Variants in GRID2 observed in about 807,000 individuals in gnomAD.
The protein encoded by GRID2 is glutamate receptor ionotropic, delta-2.
GRID2 carries 33 observed loss-of-function variants against 114.8 expected under a neutral mutation model. That is an observed-to-expected ratio of 0.29 (90% CI 0.22 to 0.38). GRID2 has a LOEUF of 0.38. Ranked by LOEUF, GRID2 falls within the 10% of genes least tolerant of loss-of-function variation. The pLI is 1.00. For synonymous variants in GRID2, 505 were observed against 449.9 expected, an observed-to-expected ratio of 1.12 and a Z score of -1.55; for missense variants, 1,184 against 1,257.7, an observed-to-expected ratio of 0.94 and a Z score of 0.89.
chr4:93,803,519 C>T (rs900051056), intron 1 of GRID2, among the ~76,000 whole-genome samples: 4 of 151,980 alleles, frequency 2.6e-5, no homozygotes, highest in African/African-American at 9.7e-5. Flanking sequence ...GTCAGGAGTT[C>T]GAGACCAACC....
chr4:92,509,457 C>A (rs894601986), intron 1 of GRID2, among the ~76,000 whole-genome samples: 3 of 151,790 alleles, frequency 2.0e-5, no homozygotes, highest in African/African-American at 7.3e-5. Flanking sequence ...TTATTGAGTA[C>A]CTACTAAATG....
intron 4 of GRID2, among the ~76,000 whole-genome samples, chr4:93,122,280 G>T (rs1733844993): frequency 6.6e-6 from 1 of 151,992 alleles, no homozygotes; most frequent in Admixed American, 6.6e-5. Context: ...GTAAAGTGGA[G>T]GTAAAGATAC....
At chr4:93,208,376 AT>A (rs1223128564) in intron 5 of GRID2, among the ~76,000 whole-genome samples, 1 of 151,906 alleles carries the variant, frequency 6.6e-6, no homozygotes, top group Non-Finnish European at 1.5e-5. Flanking sequence ...TATAATAACA[AT>A]TACTTTGCAT....
chr4:93,223,712 G>A (rs1745156775), intron 6 of GRID2, among the ~76,000 whole-genome samples: 2 of 151,930 alleles, frequency 1.3e-5, no homozygotes, highest in Non-Finnish European at 1.5e-5. Context: ...TCCTTCAGAG[G>A]AAATATAACA....
intron 14 of GRID2, among the ~76,000 whole-genome samples, chr4:93,697,953 T>C (rs563687864): frequency 3.3e-5 from 5 of 150,878 alleles, no homozygotes; most frequent in African/African-American, 9.7e-5. Flanking sequence ...ACACCTTTCT[T>C]CTATTTTCTA....
At chr4:93,084,967 T>C in intron 2 of GRID2, 28 bp from the exon 3 acceptor site, 1 of 1,594,474 alleles carries the variant, frequency 6.3e-7, no homozygotes, top group Non-Finnish European at 8.6e-7. Context: ...CCCACTGACA[T>C]TTTGAATATT....
intron 8 of GRID2, among the ~76,000 whole-genome samples, chr4:93,266,284 T>C (rs1416683538): frequency 6.6e-6 from 1 of 152,216 alleles, no homozygotes; most frequent in Non-Finnish European, 1.5e-5. Context: ...ACCTACTGTA[T>C]ACTAAACTAT....
chr4:92,958,228 A>G (rs182507781), intron 2 of GRID2, among the ~76,000 whole-genome samples: 10 of 152,194 alleles, frequency 6.6e-5, no homozygotes, highest in Admixed American at 6.5e-4. Flanking sequence ...TCCTGATCTT[A>G]GTTAGAAAGC....
intron 11 of GRID2, among the ~76,000 whole-genome samples, chr4:93,465,892 A>ATT (rs1359611799): frequency 6.6e-6 from 1 of 152,200 alleles, no homozygotes; most frequent in Non-Finnish European, 1.5e-5. Flanking sequence ...ATTTTTCCCT[A>ATT]TTTAAGCATG....
intron 2 of GRID2, among the ~76,000 whole-genome samples, chr4:92,797,198 A>T (rs542555295): frequency 1.6e-4 from 25 of 151,950 alleles, no homozygotes; most frequent in Non-Finnish European, 3.2e-4. Flanking sequence ...CCCTTGTTTT[A>T]TCCAAGGTTT....
chr4:93,729,547 A>G (rs184786127), intron 14 of GRID2, among the ~76,000 whole-genome samples: 1 of 148,586 alleles, frequency 6.7e-6, no homozygotes, highest in South Asian at 2.1e-4. Context: ...ACAGATAATC[A>G]TTTTCTTTTT....
chr4:92,725,190 A>G (rs1178164738), intron 2 of GRID2, among the ~76,000 whole-genome samples: 1 of 152,100 alleles, frequency 6.6e-6, no homozygotes, highest in African/African-American at 2.4e-5. Flanking sequence ...AATCCTAGCT[A>G]CTTGGGAGGC....
intron 13 of GRID2, among the ~76,000 whole-genome samples, chr4:93,558,000 A>G (rs890231419): frequency 6.6e-6 from 1 of 152,222 alleles, no homozygotes; most frequent in Non-Finnish European, 1.5e-5. Context: ...TGGGTAAATA[A>G]TGAAATTAAG....
At chr4:92,688,792 C>A (rs762748878) in intron 2 of GRID2, among the ~76,000 whole-genome samples, 2 of 152,142 alleles carry the variant, frequency 1.3e-5, no homozygotes, top group Non-Finnish European at 2.9e-5. Flanking sequence ...GAACTGTTAA[C>A]GTTCTTAATG....
At chr4:93,219,738 G>A (rs1185999367) in intron 6 of GRID2, among the ~76,000 whole-genome samples, 2 of 152,166 alleles carry the variant, frequency 1.3e-5, no homozygotes, top group Non-Finnish European at 2.9e-5. Context: ...TAACAAGCAG[G>A]AAGTGATCCA....
At chr4:92,880,009 T>C (rs1745895598) in intron 2 of GRID2, among the ~76,000 whole-genome samples, 1 of 152,186 alleles carries the variant, frequency 6.6e-6, no homozygotes, top group Admixed American at 6.5e-5. Flanking sequence ...CAACACAGTT[T>C]TGTATGTATA....
At chr4:92,434,672 G>A (rs567142259) in intron 1 of GRID2, among the ~76,000 whole-genome samples, 2 of 152,042 alleles carry the variant, frequency 1.3e-5, no homozygotes, top group Admixed American at 1.3e-4. Context: ...ATCAGTTTTG[G>A]TGGTTTAAAT....
At chr4:93,330,100 C>T (rs1217785576) in intron 8 of GRID2, among the ~76,000 whole-genome samples, 1 of 151,884 alleles carries the variant, frequency 6.6e-6, no homozygotes, top group African/African-American at 2.4e-5. Flanking sequence ...TGTGTTAGAC[C>T]CAGATAATAC....
intron 1 of GRID2, among the ~76,000 whole-genome samples, chr4:92,457,715 C>CT (rs67465951): frequency 4.6e-5 from 7 of 151,898 alleles, no homozygotes; most frequent in Non-Finnish European, 7.4e-5. Flanking sequence ...CAGCTGAGAC[C>CT]TTTTTTTTAA....
Sources: gnomAD v4.1 joint callset for allele counts (sites outside exome capture counted in the v4.1 genomes callset) on GRCh38, gnomAD v4.1.1 for gene constraint, MANE v1.5 for transcripts, NCBI Gene and HGNC (gene_info 2026-07-23, HGNC 2026-07-21) for gene names.